Variants in F13A1 observed in about 807,000 individuals in gnomAD.
F13A1 encodes the protein coagulation factor XIII A chain.
Under a neutral mutation model 80.1 loss-of-function variants are expected in F13A1, and 47 were observed. That is an observed-to-expected ratio of 0.59 (90% confidence interval 0.46 to 0.75). The LOEUF (loss-of-function observed/expected upper bound fraction) is 0.75. Ranked by LOEUF, F13A1 falls within the 30% of genes least tolerant of loss-of-function variation. The pLI, the probability that F13A1 is intolerant of heterozygous loss-of-function variation, is 0.00. For synonymous variants in F13A1, 349 were observed against 344.9 expected (o/e 1.01, Z -0.13); for missense variants, 817 against 930.4 (o/e 0.88, Z 1.59).
At chr6:6,182,379 A>C (rs1264092810) in intron 10 of F13A1, among the ~76,000 whole-genome samples, 1 of 152,196 alleles carries the variant, frequency 6.6e-6, no homozygotes, top group Admixed American at 6.5e-5. Context: ...AAACTGTCTA[A>C]GAAGCAACCA....
chr6:6,159,223 C>G (rs1489439647), intron 13 of F13A1, among the ~76,000 whole-genome samples: 1 of 151,974 alleles, frequency 6.6e-6, no homozygotes, highest in Non-Finnish European at 1.5e-5. Flanking sequence ...TTAATGTGTC[C>G]TCTGGGATAA....
intron 13 of F13A1, 104 bp from the exon 14 acceptor site, chr6:6,152,053 T>A: frequency 6.9e-7 from 1 of 1,447,600 alleles, no homozygotes; most frequent in Admixed American, 1.9e-5. Context: ...ATACAGTTAT[T>A]TTTTTGGCAA....
chr6:6,209,265 AAATT>A (rs547038929), intron 8 of F13A1, among the ~76,000 whole-genome samples: 62 of 152,056 alleles, frequency 4.1e-4, no homozygotes, highest in African/African-American at 1.1e-3. Flanking sequence ...AGAGAAATGA[AAATT>A]AATCCCACCA....
intron 6 of F13A1, among the ~76,000 whole-genome samples, chr6:6,239,237 T>C (rs1187479488): frequency 6.6e-6 from 1 of 152,178 alleles, no homozygotes; most frequent in Non-Finnish European, 1.5e-5. Flanking sequence ...CTATTTCTAC[T>C]GTGTGAATCC....
chr6:6,263,164 G>A (rs893094623), intron 4 of F13A1, among the ~76,000 whole-genome samples: 3 of 152,056 alleles, frequency 2.0e-5, no homozygotes, highest in Admixed American at 1.3e-4. Flanking sequence ...TTTGACCTTC[G>A]CTTCAACATC....
chr6:6,258,645 G>T (rs1045083082), intron 4 of F13A1, among the ~76,000 whole-genome samples: 6 of 152,070 alleles, frequency 3.9e-5, no homozygotes, highest in African/African-American at 1.4e-4. Context: ...TCTGATTACA[G>T]GGCCACACTA....
intron 4 of F13A1, among the ~76,000 whole-genome samples, chr6:6,257,377 C>T (rs1011420302): frequency 2.6e-5 from 4 of 151,982 alleles, no homozygotes; most frequent in East Asian, 1.9e-4. Context: ...AGGATCCAAA[C>T]GCACTGCCTT....
intron 8 of F13A1, among the ~76,000 whole-genome samples, chr6:6,200,368 G>A (rs1193649869): frequency 6.6e-6 from 1 of 151,958 alleles, no homozygotes; most frequent in African/African-American, 2.4e-5. Context: ...GGAGTTTGAG[G>A]CCATCCTGGG....
chr6:6,206,406 T>C (rs1173369512), intron 8 of F13A1: 1 of 462,266 alleles, frequency 2.2e-6, no homozygotes, highest in Non-Finnish European at 4.4e-6. Context: ...CATTGCCATA[T>C]GGAGTGTTTT....
At chr6:6,221,947 A>C in intron 8 of F13A1, 86 bp downstream of exon 8, 1 of 1,490,414 alleles carries the variant, frequency 6.7e-7, no homozygotes, top group Non-Finnish European at 9.3e-7. Flanking sequence ...AATAGAACAG[A>C]AACATCAGAT....
At chr6:6,203,028 T>C (rs986761781) in intron 8 of F13A1, among the ~76,000 whole-genome samples, 9 of 152,216 alleles carry the variant, frequency 5.9e-5, no homozygotes, top group Non-Finnish European at 1.5e-5. Flanking sequence ...AAGTGTGTTA[T>C]GTAAGAATGT....
chr6:6,150,993 G>A (rs1760363545), intron 14 of F13A1, among the ~76,000 whole-genome samples: 1 of 152,210 alleles, frequency 6.6e-6, no homozygotes, highest in Non-Finnish European at 1.5e-5. Context: ...AAAGAGATGG[G>A]CCTTACTTTC....
Position 6,224,622 on chromosome 6 carries a change from GA to G in F13A1, c.973+63del, listed in dbSNP as rs1295403059. 6 of 1,495,296 alleles carry G rather than the reference GA, an allele frequency of 4.0e-6. No individual in the cohort carries two copies. The African/African-American group carries it at 6.9e-5, about 17-fold the overall frequency. The allele number at this position is 1,495,296 out of a possible 1,614,324, so 92.6% of individuals were successfully genotyped here. A position where few individuals can be genotyped will look rare whatever the true frequency, so the allele number is the denominator to read the frequency against. ...TGCTATGTCTCTTTGTTAGGTTATA[GA>G]AAAAATGTCTTAGAGTGAAGTTTCC... On this transcript the variant is annotated intron_variant, in intron 7 of 14. Transcript: ENST00000264870.
chr6:6,174,296 A>T lies in F13A1; in HGVS notation c.1747+284T>A, dbSNP rs187862507. Among the ~76,000 whole-genome samples, 122 of 152,310 alleles carry T rather than the reference A, an allele frequency of 8.0e-4. 1 individual carries two copies. The East Asian group carries it at 0.02, about 26-fold the overall frequency. On this transcript the variant is annotated intron_variant, in intron 12 of 14. Transcript: ENST00000264870. ...TCCCAGCTACTCGGGAGGCTGAGGC[A>T]GGAGGATTGCTTGAACCCAGGAGGC...
chr6:6,310,432 C>T (rs1295222694), intron 2 of F13A1, among the ~76,000 whole-genome samples: 2 of 152,124 alleles, frequency 1.3e-5, no homozygotes, highest in African/African-American at 4.8e-5. Flanking sequence ...CCTCAGTTTT[C>T]TTATCTTTAA....
At chr6:6,196,695 T>C (rs745817705) in intron 9 of F13A1, among the ~76,000 whole-genome samples, 12 of 152,290 alleles carry the variant, frequency 7.9e-5, no homozygotes, top group South Asian at 2.1e-4. Context: ...TTTATAAAAA[T>C]CTGGGGGAGG....
intron 3 of F13A1, among the ~76,000 whole-genome samples, chr6:6,280,652 T>A (rs1048226016): frequency 6.6e-6 from 1 of 152,180 alleles, no homozygotes; most frequent in African/African-American, 2.4e-5. Context: ...AGAAACCGTA[T>A]TGAGGTTGGA....
chr6:6,179,758 T>A (rs367872055), intron 11 of F13A1, among the ~76,000 whole-genome samples: 6 of 152,268 alleles, frequency 3.9e-5, no homozygotes, highest in Middle Eastern at 3.4e-3. Flanking sequence ...ATTTAGGGAT[T>A]CTTCTAGTTG....
chr6:6,177,574 A>G (rs1760903623), intron 11 of F13A1, among the ~76,000 whole-genome samples: 1 of 152,228 alleles, frequency 6.6e-6, no homozygotes, highest in Non-Finnish European at 1.5e-5. Flanking sequence ...TCTTCATAAT[A>G]GTCCAGTTTA....
Sources: allele counts gnomAD v4.1 joint callset (sites outside exome capture counted in the v4.1 genomes callset), GRCh38; gene constraint gnomAD v4.1.1; transcripts MANE v1.5; gene names NCBI Gene and HGNC (gene_info 2026-07-23, HGNC 2026-07-21).